DAPK1: variants seen among roughly 807,000 people sequenced by gnomAD.
DAPK1 encodes the protein death-associated protein kinase 1.
A neutral mutation model predicts 144.9 loss-of-function variants in DAPK1; 56 were observed. That is an observed-to-expected ratio of 0.39 (90% CI 0.31 to 0.48). The LOEUF (loss-of-function observed/expected upper bound fraction) is 0.48, where lower values mean the gene tolerates loss of function less well. Among genes scored for constraint, DAPK1 ranks in the 20% least tolerant of loss-of-function variants. The probability of loss-of-function intolerance (pLI) is 0.95; values close to 1 mark genes in which losing one functional copy is unlikely to be tolerated. For synonymous variants in DAPK1, 690 were observed against 749.0 expected (o/e 0.92, Z 1.29); for missense variants, 1,454 against 1,875.4 (o/e 0.78, Z 4.15).
chr9:87,564,588 GA>G (rs1175455811), intron 2 of DAPK1, among the ~76,000 whole-genome samples: 1 of 144,296 alleles, frequency 6.9e-6, no homozygotes, highest in African/African-American at 2.5e-5. Flanking sequence ...GGGAGGGAGG[GA>G]GGGGGAGAGA....
chr9:87,550,240 G>T (rs1046815728), intron 2 of DAPK1, among the ~76,000 whole-genome samples: 1 of 152,148 alleles, frequency 6.6e-6, no homozygotes, highest in Admixed American at 6.5e-5. Context: ...CCATAGGTTC[G>T]TTTAACCTGT....
At chr9:87,598,876 C>T (rs1441368136) in intron 2 of DAPK1, among the ~76,000 whole-genome samples, 1 of 152,218 alleles carries the variant, frequency 6.6e-6, no homozygotes, top group Non-Finnish European at 1.5e-5. Context: ...CTGATTGTTA[C>T]TAGAATGCTT....
chr9:87,706,606 C>T lies in DAPK1; in HGVS notation c.3535C>T (p.Arg1179Cys), dbSNP rs754885077. 9 of 1,613,470 alleles carry T rather than the reference C, an allele frequency of 5.6e-6. 1 individual carries two copies. Among genetic ancestry groups the T allele is most frequent in the South Asian group, 3.3e-5 (3 of 91,074 alleles). The change falls in exon 26 of 26, where the codon CGT becomes TGT. Residue 1179 changes from arginine (R) to cysteine (C), a missense_variant. Physicochemically the swap from Arg to Cys is radical, Grantham distance 180. Transcript: ENST00000408954. The surrounding 1 kb of genome is among the most constrained non-coding windows in gnomAD (Gnocchi z 9.0). ...GGTGAATGGCTGCAAGCTGGCCAAC[C>T]GTGGGGCCGAGCTGCTGGTGCTGCT... ...LWVNGCKLAN[R>C]GAELLVLLVN...
Position 87,605,083 on chromosome 9 carries a change from G to A in DAPK1, c.192G>A (p.Glu64=). The A allele has an allele frequency of 6.2e-7, 1 of 1,614,202 alleles. No individual in the cohort carries two copies. The highest frequency in any genetic ancestry group is 8.5e-7 in the Non-Finnish European group (1 of 1,180,040). Residue 64 remains glutamate (E), a synonymous_variant, in exon 3 of 26, where the codon GAG becomes GAA. Transcript: ENST00000408954. ...TGAGCCGCGAGGACATCGAGCGGGAGGTCAGCATCCTGAAGGAGATCCAGC... is the reference window on the plus strand; with the variant it reads ...TGAGCCGCGAGGACATCGAGCGGGAAGTCAGCATCCTGAAGGAGATCCAGC... ...RGVSREDIER[E]VSILKEIQHP... is the part of the protein sequence containing the mutation.
chr9:87,676,437 C>T lies in DAPK1; in HGVS notation c.2002-4967C>T, dbSNP rs148182643. Among the ~76,000 whole-genome samples the T allele has an allele frequency of 2.8e-3, 431 of 152,354 alleles. 5 individuals are homozygous for T. The highest frequency in any genetic ancestry group is 9.6e-3 in the African/African-American group (399 of 41,588). The stretch of plus-strand genomic sequence containing the variant: ...GCCATCTGGTAGTGAAACGTGAAAA[C>T]GTGCCTCCACCAATGAGGGAGATAT... On this transcript the variant is annotated intron_variant, in intron 19 of 25. Coordinates refer to ENST00000408954, the MANE Select transcript of DAPK1 (RefSeq NM_004938.4).
rs1476519410 is a variant in DAPK1 at position 87,682,324 on chromosome 9, A to G, written c.2224+698A>G. ...GCAGTGAGCAAGAGAAAATGATGCA[A>G]TCTTGGGTGTGATTCCAACTGAATC... On this transcript the variant is annotated intron_variant, in intron 20 of 25. Coordinates refer to ENST00000408954, the MANE Select transcript of DAPK1 (RefSeq NM_004938.4). Among the ~76,000 whole-genome samples, 6 of 152,314 alleles carry G rather than the reference A, an allele frequency of 3.9e-5. 1 individual carries two copies. In the South Asian group the frequency reaches 8.3e-4, roughly 21 times the overall value.
rs75674985 is a variant in DAPK1 at position 87,575,496 on chromosome 9, G to C, written c.63-29458G>C. ...GTGAGGGCAAGAAACCTTAAGGAGC[G>C]TGTGGTTTCTGAGATCCCGATTTCG... On this transcript the variant is annotated intron_variant, in intron 2 of 25. Transcript: ENST00000408954. Among the ~76,000 whole-genome samples, 432 of 152,210 alleles carry C rather than the reference G, an allele frequency of 2.8e-3. 3 individuals carry two copies. The highest frequency in any genetic ancestry group is 0.01 in the African/African-American group (423 of 41,522).
At chr9:87,530,331 C>T (rs1825658149) in intron 2 of DAPK1, among the ~76,000 whole-genome samples, 1 of 152,228 alleles carries the variant, frequency 6.6e-6, no homozygotes, top group Non-Finnish European at 1.5e-5. Context: ...CTAACCAACA[C>T]AGGCTGTATT....
intron 2 of DAPK1, among the ~76,000 whole-genome samples, chr9:87,563,839 C>T (rs778939907): frequency 2.6e-5 from 4 of 152,194 alleles, no homozygotes; most frequent in Non-Finnish European, 5.9e-5. Context: ...GAGTTGTGAG[C>T]ATGTGAATGA....
At chr9:87,562,133 C>A (rs566090014) in intron 2 of DAPK1, among the ~76,000 whole-genome samples, 10 of 152,306 alleles carry the variant, frequency 6.6e-5, no homozygotes, top group Non-Finnish European at 1.2e-4. Context: ...AGGCCTCCTG[C>A]AGTTCTGTAT....
chr9:87,615,645 TA>T (rs1206184996), intron 3 of DAPK1, among the ~76,000 whole-genome samples: 1 of 152,238 alleles, frequency 6.6e-6, no homozygotes, highest in African/African-American at 2.4e-5. Context: ...AGGATATGGT[TA>T]AACAACTGAG....
At position 87,668,643 on chromosome 9, in the gene DAPK1, A is replaced by C. The variant is rs1438501068; in HGVS notation, c.1970A>C (p.His657Pro). 21 of 1,466,178 alleles carry C rather than the reference A, an allele frequency of 1.4e-5. No homozygotes were observed. The highest frequency in any genetic ancestry group is 3.4e-4 in the Middle Eastern group (2 of 5,826). The allele number at this position is 1,466,178 out of a possible 1,614,324, so 90.8% of individuals were successfully genotyped here. A position where few individuals can be genotyped will look rare whatever the true frequency, so the allele number is the denominator to read the frequency against. The change falls in exon 19 of 26, where the codon CAC (histidine) becomes CCC (proline). Residue 657 changes from histidine to proline, a missense_variant. Coordinates refer to ENST00000408954, the MANE Select transcript of DAPK1 (RefSeq NM_004938.4). ...EDLARSEQHE[H>P]VAGLLARLRK... ...CTTGCTAGATCGGAACAGCACGAGC[A>C]CGTAGCAGGTCTCCTTGCAAGACTT...
chr9:87,497,506 C>G (rs1020499184), upstream of DAPK1, among the ~76,000 whole-genome samples: 4 of 152,268 alleles, frequency 2.6e-5, no homozygotes, highest in African/African-American at 9.6e-5. Context: ...GTGCCCGGCA[C>G]AAGCTGGGAT....
At chr9:87,609,859 C>G (rs1473178003) in intron 3 of DAPK1, among the ~76,000 whole-genome samples, 2 of 152,298 alleles carry the variant, frequency 1.3e-5, no homozygotes, top group Admixed American at 6.5e-5. Context: ...CGAACTTCCT[C>G]TGAGGGTTAG....
At chr9:87,605,259 G>A (rs1195633423) in intron 3 of DAPK1, 84 bp downstream of exon 3, 16 of 1,094,642 alleles carry the variant, frequency 1.5e-5, no homozygotes, top group South Asian at 4.1e-5. Flanking sequence ...ACGCCACAGC[G>A]AGCCCGAGAG....
In DAPK1 at chr9:87,582,766, G is replaced by A. The variant is rs111686615; in HGVS notation, c.63-22188G>A. 7.3e-3 allele frequency among the ~76,000 whole-genome samples: 1,117 copies of A among 152,014 alleles called. 22 individuals carry two copies. Among genetic ancestry groups the A allele is most frequent in the African/African-American group, 0.025 (1,041 of 41,452 alleles). On this transcript the variant is annotated intron_variant, in intron 2 of 25. Transcript: ENST00000408954. ...GACGGGGTTTCACCATCTTGGCCAGGCTGGTATTGAACTCCTGACCTCGTG... is the reference window on the plus strand; with the variant it reads ...GACGGGGTTTCACCATCTTGGCCAGACTGGTATTGAACTCCTGACCTCGTG...
intron 2 of DAPK1, among the ~76,000 whole-genome samples, chr9:87,580,218 CTCTT>C (rs1827703621): frequency 6.6e-6 from 1 of 152,100 alleles, no homozygotes. Flanking sequence ...GCCCTGTGTG[CTCTT>C]TCTTCCTGAT....
intron 4 of DAPK1, 91 bp from the exon 5 acceptor site, chr9:87,639,260 CTTT>C (rs112724520): frequency 1.7e-3 from 1,673 of 974,850 alleles, no homozygotes; most frequent in South Asian, 3.4e-3. Context: ...ACTTTTTGGC[CTTT>C]TTTTTTTTTT....
intron 2 of DAPK1, among the ~76,000 whole-genome samples, chr9:87,522,060 C>T (rs771468764): frequency 3.3e-5 from 5 of 152,308 alleles, no homozygotes; most frequent in East Asian, 3.9e-4. Context: ...CAGGTGCCAG[C>T]GCCATGCTCT....
Sources: gnomAD v4.1 joint callset for allele counts (sites outside exome capture counted in the v4.1 genomes callset) on GRCh38, gnomAD v4.1.1 for gene constraint, Gnocchi (gnomAD v3.1) non-coding constraint, MANE v1.5 for transcripts, NCBI Gene and HGNC (gene_info 2026-07-23, HGNC 2026-07-21) for gene names.